The following RCN1 variants were observed in gnomAD, a reference collection of about 807,000 sequenced individuals.
RCN1 encodes reticulocalbin 1, also known as reticulocalbin-1.
Under a neutral mutation model 34.7 loss-of-function variants are expected in RCN1, and 14 were observed. The observed-to-expected ratio is 0.40, with a 90% confidence interval of 0.27 to 0.63. RCN1 has a LOEUF of 0.63. Among genes scored for constraint, RCN1 ranks in the 30% least tolerant of loss-of-function variants. RCN1 has a pLI of 0.37. For synonymous variants in RCN1, 125 were observed against 165.5 expected, an observed-to-expected ratio of 0.76 and a Z score of 1.88; for missense variants, 326 against 425.1, an observed-to-expected ratio of 0.77 and a Z score of 2.05.
chr11:32,103,082 C>G, intron 4 of RCN1, 199 bp from the exon 5 acceptor site: 1 of 668,118 alleles, frequency 1.5e-6, no homozygotes, highest in South Asian at 1.6e-5. Flanking sequence ...TCAGTTCTTT[C>G]TACTCCACCA....
At chr11:32,101,722 A>G (rs1852045440) in intron 4 of RCN1, among the ~76,000 whole-genome samples, 1 of 152,198 alleles carries the variant, frequency 6.6e-6, no homozygotes, top group Non-Finnish European at 1.5e-5. Context: ...TGATAGAATA[A>G]CATATGCTGA....
chr11:32,097,496 G>A (rs1345732979), intron 2 of RCN1, among the ~76,000 whole-genome samples, 159 bp downstream of exon 2: 2 of 152,084 alleles, frequency 1.3e-5, no homozygotes, highest in African/African-American at 4.8e-5. Flanking sequence ...AACTCAGAAT[G>A]TACTGAGTTG....
chr11:32,093,364 C>T lies in RCN1; in HGVS notation c.254+1914C>T, dbSNP rs558125358. Among the ~76,000 whole-genome samples the T allele has an allele frequency of 3.9e-5, 6 of 152,272 alleles. No individual in the cohort carries two copies. The South Asian group carries it at 1.0e-3, about 26-fold the overall frequency. On this transcript the variant is annotated intron_variant, in intron 1 of 5. Coordinates refer to ENST00000054950, the MANE Select transcript of RCN1 (RefSeq NM_002901.4). ...CAAAGATGAAACCTTATGCTCTGGG[C>T]GTCGAAGTGCTTGTAAGCAAATGTG... is the stretch of plus-strand genomic sequence containing the variant.
rs751849023 is a variant in RCN1 at position 32,098,469 on chromosome 11, G to T, written c.568G>T (p.Glu190Ter). ...TGGTGACCTGACAGCTACTCGGGAGGAGTTCACTGCCTTTCTGCATCCTGA... is the reference window on the plus strand; with the variant it reads ...TGGTGACCTGACAGCTACTCGGGAGTAGTTCACTGCCTTTCTGCATCCTGA... ...LNGDLTATRE[E>*]FTAFLHPEEF... is the part of the protein sequence containing the mutation. Residue 190 changes from glutamate (E) to a stop codon, truncating the protein, a stop_gained, in exon 3 of 6, where the codon GAG becomes TAG. Transcript: ENST00000054950. LOFTEE classifies it high-confidence loss of function. 6.2e-7 allele frequency: 1 copy of T among 1,614,116 alleles called. No individual in the cohort carries two copies. Among genetic ancestry groups the T allele is most frequent in the South Asian group, 1.1e-5 (1 of 91,058 alleles).
At chr11:32,094,605 T>A (rs973005096) in intron 1 of RCN1, among the ~76,000 whole-genome samples, 1 of 152,210 alleles carries the variant, frequency 6.6e-6, no homozygotes, top group Non-Finnish European at 1.5e-5. Flanking sequence ...TTAACTTCAT[T>A]CATTTATTCA....
intron 3 of RCN1, among the ~76,000 whole-genome samples, chr11:32,099,527 C>T (rs1852012141): frequency 6.6e-6 from 1 of 152,104 alleles, no homozygotes; most frequent in Admixed American, 6.5e-5. Flanking sequence ...TGGATCAGGC[C>T]CTAGGCTTTG....
chr11:32,097,484 T>C (rs223072), intron 2 of RCN1, 147 bp downstream of exon 2: 73,922 of 487,542 alleles, frequency 0.15, 6,333 homozygotes, highest in East Asian at 0.3. Flanking sequence ...CCCTCCTCTG[T>C]AAACTCAGAA....
rs535060992 is a variant in RCN1 at position 32,091,528 on chromosome 11, C to A, written c.254+78C>A. On this transcript the variant is annotated intron_variant, in intron 1 of 5. Coordinates refer to ENST00000054950, the MANE Select transcript of RCN1 (RefSeq NM_002901.4). ...CCTGGGCGAGAGCCACGCGGGATACCACCGCCAAAGCGAAAGCGAAATCGC... is the reference window on the plus strand; with the variant it reads ...CCTGGGCGAGAGCCACGCGGGATACAACCGCCAAAGCGAAAGCGAAATCGC... The A allele has an allele frequency of 9.4e-6, 14 of 1,491,080 alleles. No homozygotes were observed. In the South Asian group the frequency reaches 1.7e-4, roughly 18 times the overall value. The allele number at this position is 1,491,080 out of a possible 1,614,324, so 92.4% of individuals were successfully genotyped here. A position where few individuals can be genotyped will look rare whatever the true frequency, so the allele number is the denominator to read the frequency against.
At chr11:32,096,938 G>A (rs2133474204) in intron 1 of RCN1, 1 of 513,544 alleles carries the variant, frequency 1.9e-6, no homozygotes, top group East Asian at 3.2e-5. Flanking sequence ...ATCAGCACTG[G>A]TTGGGGGAAA....
chr11:32,091,375 A>C lies in RCN1; in HGVS notation c.179A>C (p.His60Pro), dbSNP rs1350733824. The C allele has an allele frequency of 6.5e-7, 1 of 1,549,256 alleles. No individual in the cohort carries two copies. The highest frequency in any genetic ancestry group is 8.7e-7 in the Non-Finnish European group (1 of 1,146,284). ...GACAACCAGAGCTTCCAGTACGACC[A>C]CGAGGCCTTCCTGGGCAAGGAGGAC... ...PEDNQSFQYD[H>P]EAFLGKEDSK... Residue 60 changes from histidine to proline, a missense_variant, in exon 1 of 6, where the codon CAC becomes CCC. Physicochemically the swap from His to Pro is moderately conservative, Grantham distance 77 (BLOSUM62 -2). Coordinates refer to ENST00000054950, the MANE Select transcript of RCN1 (RefSeq NM_002901.4).
intron 1 of RCN1, among the ~76,000 whole-genome samples, chr11:32,095,225 C>G (rs1279915868): frequency 2.0e-5 from 3 of 149,332 alleles, no homozygotes; most frequent in African/African-American, 7.4e-5. Context: ...CCTGAAGACA[C>G]TTGAAGTTTC....
chr11:32,103,190 T>G, intron 4 of RCN1, 91 bp from the exon 5 acceptor site: 6 of 1,185,830 alleles, frequency 5.1e-6, no homozygotes, highest in Non-Finnish European at 7.5e-6. Context: ...TCGCCTTTCC[T>G]AAAGCTCAGG....
chr11:32,098,590 G>C, intron 3 of RCN1, 62 bp downstream of exon 3: 2 of 1,316,752 alleles, frequency 1.5e-6, no homozygotes, highest in Non-Finnish European at 2.1e-6. Flanking sequence ...TCCAAATCTT[G>C]TCTCTTCCAA....
At chr11:32,092,989 C>G (rs577412836) in intron 1 of RCN1, among the ~76,000 whole-genome samples, 4 of 152,220 alleles carry the variant, frequency 2.6e-5, no homozygotes, top group Non-Finnish European at 5.9e-5. Context: ...AGTACTTTCT[C>G]TTCTCAGTTA....
intron 1 of RCN1, among the ~76,000 whole-genome samples, chr11:32,093,070 A>G (rs1328369932): frequency 1.3e-5 from 2 of 152,142 alleles, no homozygotes; most frequent in Admixed American, 6.5e-5. Flanking sequence ...AGACTGATTT[A>G]TCCTGGAGCC....
At chr11:32,095,273 C>G (rs924881591) in intron 1 of RCN1, among the ~76,000 whole-genome samples, 1 of 146,932 alleles carries the variant, frequency 6.8e-6, no homozygotes, top group Non-Finnish European at 1.5e-5. Context: ...AAGACAGGGT[C>G]TTGATTTGTT....
chr11:32,103,557 G>A (rs1350641173), intron 5 of RCN1, 77 bp downstream of exon 5: 26 of 1,283,716 alleles, frequency 2.0e-5, no homozygotes, highest in Admixed American at 1.4e-4. Flanking sequence ...CTTTTTCGGC[G>A]ATAGCATTGA....
chr11:32,095,261 T>TA (rs398015702), intron 1 of RCN1, among the ~76,000 whole-genome samples: 1 of 150,706 alleles, frequency 6.6e-6, no homozygotes, highest in Non-Finnish European at 1.5e-5. Flanking sequence ...TTTTTTTTTT[T>TA]AAAGACAGGG....
chr11:32,100,270 A>C (rs914073600), intron 3 of RCN1, among the ~76,000 whole-genome samples: 1 of 152,184 alleles, frequency 6.6e-6, no homozygotes, highest in Admixed American at 6.5e-5. Flanking sequence ...TTGGCCTGGC[A>C]GGGCCTCCTG....
Sources: gnomAD v4.1 joint callset for allele counts (sites outside exome capture counted in the v4.1 genomes callset) on GRCh38, gnomAD v4.1.1 for gene constraint, MANE v1.5 for transcripts, NCBI Gene and HGNC (gene_info 2026-07-23, HGNC 2026-07-21) for gene names.